The following CRTC1 variants were observed in gnomAD, a reference collection of about 807,000 sequenced individuals.
The protein encoded by CRTC1 is CREB-regulated transcription coactivator 1.
In CRTC1, 18 loss-of-function variants were observed where a neutral mutation model predicts 66.1. That is an observed-to-expected ratio of 0.27 (90% CI 0.19 to 0.40). CRTC1 has a LOEUF of 0.40. Ranked by LOEUF, CRTC1 falls within the 10% of genes least tolerant of loss-of-function variation. The probability of loss-of-function intolerance (pLI) is 1.00; values close to 1 mark genes in which losing one functional copy is unlikely to be tolerated. For missense variants in CRTC1, 669 were observed against 887.9 expected, an observed-to-expected ratio of 0.75 and a Z score of 3.13; for synonymous variants, 416 against 398.8, an observed-to-expected ratio of 1.04 and a Z score of -0.51.
chr19:18,742,705 G>A (rs923299787), intron 1 of CRTC1, among the ~76,000 whole-genome samples: 7 of 152,190 alleles, frequency 4.6e-5, no homozygotes, highest in Non-Finnish European at 8.8e-5. Context: ...CTGGGGAGCC[G>A]TCCCGGCACC....
Position 18,778,505 on chromosome 19 carries a change from A to G in CRTC1, c.*1123A>G, listed in dbSNP as rs1424301913. ...CGGCTTTTGGGTTTCACCCCAAGTT[A>G]TCTCAAAACAAAAGGGCTGGTCAGG... On this transcript the variant is annotated 3_prime_UTR_variant, in exon 14 of 14. Transcript: ENST00000321949. 7 of 231,446 alleles carry G rather than the reference A, an allele frequency of 3.0e-5. No individual in the cohort carries two copies. The East Asian group carries it at 4.3e-4, about 14-fold the overall frequency. The allele number at this position is 231,446 out of a possible 1,614,324, so 14.3% of individuals were successfully genotyped here.
In CRTC1 at chr19:18,760,356, C is replaced by A. The variant is rs763000051; in HGVS notation, c.886+128C>A. On this transcript the variant is annotated intron_variant, in intron 8 of 13. Coordinates refer to ENST00000321949, the MANE Select transcript of CRTC1 (RefSeq NM_015321.3). The surrounding 1 kb of genome is among the most constrained non-coding windows in gnomAD (Gnocchi z 6.2). ...ATGGGGGACAGGGCTGGGGGGCGGC[C>A]GACAGGCTGACCCAGCGGGCACAGG... is the stretch of plus-strand genomic sequence containing the variant. The A allele has an allele frequency of 1.1e-5, 9 of 814,718 alleles. No individual in the cohort carries two copies. Among genetic ancestry groups the A allele is most frequent in the Non-Finnish European group, 1.3e-5 (7 of 520,828 alleles). 50.5% of individuals were successfully genotyped at this position (814,718 alleles called of 1,614,324 possible). A position where few individuals can be genotyped will look rare whatever the true frequency, so the allele number is the denominator to read the frequency against.
intron 1 of CRTC1, among the ~76,000 whole-genome samples, chr19:18,688,669 C>G (rs909316368): frequency 2.6e-5 from 4 of 152,054 alleles, no homozygotes; most frequent in Non-Finnish European, 5.9e-5. Context: ...AACTCCCGAC[C>G]TCAGGTGATC....
At chr19:18,694,930 A>G (rs1472787917) in intron 1 of CRTC1, among the ~76,000 whole-genome samples, 5 of 149,962 alleles carry the variant, frequency 3.3e-5, no homozygotes, top group Non-Finnish European at 7.4e-5. Flanking sequence ...TCTTGCTCCT[A>G]TAAGATCTTG....
chr19:18,777,165 C>T lies in CRTC1; in HGVS notation c.1694-6C>T. The T allele has an allele frequency of 1.4e-6, 2 of 1,473,282 alleles. No individual in the cohort carries two copies. Among genetic ancestry groups the T allele is most frequent in the Non-Finnish European group, 9.5e-7 (1 of 1,057,596 alleles). The allele number at this position is 1,473,282 out of a possible 1,614,324, so 91.3% of individuals were successfully genotyped here. ...CAGTGCCTTTTGTCCCCACCCCATC[C>T]CCCAGTGACAGGAGAGTCCCCCCCC... On this transcript the variant is annotated splice_polypyrimidine_tract_variant and splice_region_variant and intron_variant, in intron 13 of 13. Coordinates refer to ENST00000321949, the MANE Select transcript of CRTC1 (RefSeq NM_015321.3). This position sits in a 1 kb window ranked among gnomAD's most constrained non-coding sequence, Gnocchi z 5.5.
Position 18,780,736 on chromosome 19 carries a change from C to G in CRTC1, c.*3354C>G. ...TAGAGATGGGGTCTTGCTGTGTTGC[C>G]CAGGCTGGTCTCGGACTCCTGGGCT... On this transcript the variant is annotated 3_prime_UTR_variant, in exon 14 of 14. Coordinates refer to ENST00000321949, the MANE Select transcript of CRTC1 (RefSeq NM_015321.3). 1 of 216,412 alleles carries G rather than the reference C, an allele frequency of 4.6e-6. No individual in the cohort carries two copies. Among genetic ancestry groups the G allele is most frequent in the Non-Finnish European group, 9.3e-6 (1 of 107,318 alleles). 13.4% of individuals were successfully genotyped at this position (216,412 alleles called of 1,614,324 possible).
intron 1 of CRTC1, among the ~76,000 whole-genome samples, chr19:18,699,239 A>G (rs1269919610): frequency 1.3e-5 from 2 of 152,316 alleles, no homozygotes; most frequent in East Asian, 3.9e-4. Flanking sequence ...TCCCCACTTC[A>G]GTCCTGGGAG....
Position 18,760,792 on chromosome 19 carries a change from T to C in CRTC1, c.886+564T>C, listed in dbSNP as rs910075198. ...TCCCCCGGGACCCCCCTCCTGTGGC[T>C]GCACTGATTGCAGAGGTGTCCCCCA... On this transcript the variant is annotated intron_variant, in intron 8 of 13. Transcript: ENST00000321949. The surrounding 1 kb of genome is among the most constrained non-coding windows in gnomAD (Gnocchi z 6.2). 3.3e-5 allele frequency among the ~76,000 whole-genome samples: 5 copies of C among 151,712 alleles called. No individual in the cohort carries two copies. The highest frequency in any genetic ancestry group is 1.2e-4 in the African/African-American group (5 of 41,184).
At chr19:18,704,651 G>T (rs2053220519) in intron 1 of CRTC1, among the ~76,000 whole-genome samples, 1 of 152,150 alleles carries the variant, frequency 6.6e-6, no homozygotes, top group African/African-American at 2.4e-5. Flanking sequence ...GGCAGAGGTT[G>T]CAGTGAGCCA....
intron 1 of CRTC1, among the ~76,000 whole-genome samples, chr19:18,690,952 G>C (rs191173645): frequency 2.0e-5 from 3 of 151,626 alleles, no homozygotes; most frequent in Non-Finnish European, 4.4e-5. Context: ...CGTGAACCTG[G>C]GAGGCAGAGC....
rs1026628941 is a variant in CRTC1, at chr19:18,781,016, G to A, written c.*3634G>A. 4.4e-5 allele frequency: 10 copies of A among 225,980 alleles called. No individual in the cohort carries two copies. Among genetic ancestry groups the A allele is most frequent in the South Asian group, 1.8e-4 (1 of 5,492 alleles). The allele number at this position is 225,980 out of a possible 1,614,324, so 14.0% of individuals were successfully genotyped here. A position where few individuals can be genotyped will look rare whatever the true frequency, so the allele number is the denominator to read the frequency against. Reference sequence around the variant, plus strand: ...AGAGGCTGGTGGAGTAAGGTCCAGCGGTATTCGGGGGTCCTCTGTCACCTC... The same window carrying A: ...AGAGGCTGGTGGAGTAAGGTCCAGCAGTATTCGGGGGTCCTCTGTCACCTC... On this transcript the variant is annotated 3_prime_UTR_variant, in exon 14 of 14. Transcript: ENST00000321949.
chr19:18,774,432 G>C (rs1440302357), intron 11 of CRTC1, among the ~76,000 whole-genome samples: 1 of 152,230 alleles, frequency 6.6e-6, no homozygotes, highest in Non-Finnish European at 1.5e-5. Flanking sequence ...GGCTGGCTCT[G>C]TGCGCCCATC....
chr19:18,744,477 TACACACACACACAAAC>T (rs1349187751), intron 2 of CRTC1, among the ~76,000 whole-genome samples: 11 of 148,170 alleles, frequency 7.4e-5, no homozygotes, highest in Non-Finnish European at 1.5e-4. Context: ...CGTCCCTATA[TACACACACACACAAAC>T]ACACACACAC....
chr19:18,697,054 G>T (rs1172909124), intron 1 of CRTC1, among the ~76,000 whole-genome samples: 1 of 152,074 alleles, frequency 6.6e-6, no homozygotes, highest in African/African-American at 2.4e-5. Context: ...GGTGGAGGTG[G>T]GTGCCCTGTT....
chr19:18,743,240 C>G (rs1362238812), intron 2 of CRTC1, among the ~76,000 whole-genome samples: 1 of 152,270 alleles, frequency 6.6e-6, no homozygotes, highest in Admixed American at 6.5e-5. Context: ...GACCCCGAGG[C>G]GAGCCCTCCA....
intron 1 of CRTC1, among the ~76,000 whole-genome samples, chr19:18,702,001 G>C (rs113784769): frequency 1.1e-3 from 150 of 142,116 alleles, no homozygotes; most frequent in Non-Finnish European, 2.0e-3. Context: ...TCGGCTCACC[G>C]CAACCTCCTC....
At chr19:18,728,631 G>T (rs1404848637) in intron 1 of CRTC1, among the ~76,000 whole-genome samples, 1 of 151,420 alleles carries the variant, frequency 6.6e-6, no homozygotes, top group Non-Finnish European at 1.5e-5. Flanking sequence ...TCAGCCTCCT[G>T]AGTAGCTGGG....
intron 1 of CRTC1, among the ~76,000 whole-genome samples, chr19:18,731,905 C>T (rs1026842127): frequency 6.6e-6 from 1 of 152,228 alleles, no homozygotes; most frequent in African/African-American, 2.4e-5. Context: ...CAGGAACCCC[C>T]TCTCCTCACC....
intron 1 of CRTC1, among the ~76,000 whole-genome samples, chr19:18,733,750 ACAGC>A (rs1293083422): frequency 6.6e-6 from 1 of 152,246 alleles, no homozygotes; most frequent in East Asian, 1.9e-4. Context: ...AACAAAGTTG[ACAGC>A]CAGAATGAAC....
Sources: allele counts gnomAD v4.1 joint callset (sites outside exome capture counted in the v4.1 genomes callset), GRCh38; gene constraint gnomAD v4.1.1; non-coding constraint Gnocchi (gnomAD v3.1); transcripts MANE v1.5; gene names NCBI Gene and HGNC (gene_info 2026-07-23, HGNC 2026-07-21).